The following PRMT8 variants were observed in gnomAD, a reference collection of about 807,000 sequenced individuals.
PRMT8 encodes the protein protein arginine N-methyltransferase 8.
PRMT8 carries 7 observed loss-of-function variants against 47.1 expected under a neutral mutation model. The ratio of observed to expected loss-of-function variants is 0.15; its 90% CI spans 0.08 to 0.28. The LOEUF is 0.28. Among genes scored for constraint, PRMT8 ranks in the 10% least tolerant of loss-of-function variants. The probability of loss-of-function intolerance (pLI) is 1.00; values close to 1 mark genes in which losing one functional copy is unlikely to be tolerated. For synonymous variants in PRMT8, 188 were observed against 186.5 expected (o/e 1.01, Z -0.07); for missense variants, 237 against 505.4 (o/e 0.47, Z 5.09).
intron 1 of PRMT8, among the ~76,000 whole-genome samples, chr12:3,426,210 A>G (rs1246142176): frequency 1.3e-5 from 2 of 152,248 alleles, no homozygotes; most frequent in African/African-American, 2.4e-5. Flanking sequence ...GCACAAGTAT[A>G]ACAATTGCTT....
intron 4 of PRMT8, among the ~76,000 whole-genome samples, chr12:3,558,479 G>A (rs908700724): frequency 6.6e-6 from 1 of 152,094 alleles, no homozygotes; most frequent in Non-Finnish European, 1.5e-5. Context: ...ATTACCTAAT[G>A]CCCAGATCCT....
intron 1 of PRMT8, among the ~76,000 whole-genome samples, chr12:3,429,199 G>T (rs1406103991): frequency 6.6e-6 from 1 of 152,168 alleles, no homozygotes; most frequent in Non-Finnish European, 1.5e-5. Context: ...ACAGGAACTG[G>T]TCTGGGTGCC....
Position 3,593,043 on chromosome 12 carries a change from C to T in PRMT8, c.1102-56C>T. On this transcript the variant is annotated intron_variant, in intron 9 of 9. Transcript: ENST00000382622. This position sits in a 1 kb window ranked among gnomAD's most constrained non-coding sequence, Gnocchi z 4.8. ...GAGCAGGTGGTGCCAGAGAGTGGGGCTGTGGCTTCATACCCAGACGGCCGC... is the reference window on the plus strand; with the variant it reads ...GAGCAGGTGGTGCCAGAGAGTGGGGTTGTGGCTTCATACCCAGACGGCCGC... 1 of 1,385,888 alleles carries T rather than the reference C, an allele frequency of 7.2e-7. No homozygotes were observed. Among genetic ancestry groups the T allele is most frequent in the Non-Finnish European group, 1.0e-6 (1 of 975,532 alleles). 85.8% of individuals were successfully genotyped at this position (1,385,888 alleles called of 1,614,324 possible).
intron 1 of PRMT8, among the ~76,000 whole-genome samples, chr12:3,518,258 C>G (rs540107531): frequency 6.6e-6 from 1 of 152,098 alleles, no homozygotes; most frequent in Non-Finnish European, 1.5e-5. Flanking sequence ...ATTAGAACAA[C>G]GTGAGAAGGA....
At chr12:3,517,521 G>T (rs1865813135) in intron 1 of PRMT8, among the ~76,000 whole-genome samples, 1 of 152,172 alleles carries the variant, frequency 6.6e-6, no homozygotes, top group Non-Finnish European at 1.5e-5. Context: ...ATGAGCTAAG[G>T]TAGGAAAATT....
At chr12:3,568,182 G>A (rs1024235389) in intron 4 of PRMT8, among the ~76,000 whole-genome samples, 2 of 152,116 alleles carry the variant, frequency 1.3e-5, no homozygotes, top group African/African-American at 2.4e-5. Flanking sequence ...TAAGGAAGAG[G>A]AAATATATTT....
chr12:3,517,405 T>TAGGA (rs1379539717), intron 1 of PRMT8, among the ~76,000 whole-genome samples: 1 of 152,168 alleles, frequency 6.6e-6, no homozygotes, highest in Non-Finnish European at 1.5e-5. Flanking sequence ...CCAGGTGTCC[T>TAGGA]GGCTCCCCAC....
chr12:3,504,453 ACC>A (rs1443617647), intron 1 of PRMT8, among the ~76,000 whole-genome samples: 7 of 115,794 alleles, frequency 6.0e-5, no homozygotes, highest in African/African-American at 1.6e-4. Flanking sequence ...CTGCTGGAAT[ACC>A]CTGCCGTGTG....
intron 1 of PRMT8, among the ~76,000 whole-genome samples, chr12:3,384,639 C>G (rs1304541148): frequency 6.6e-6 from 1 of 151,962 alleles, no homozygotes; most frequent in Non-Finnish European, 1.5e-5. Context: ...GGGATGTTCT[C>G]CTTTTTTTTA....
intron 1 of PRMT8, among the ~76,000 whole-genome samples, chr12:3,454,830 G>A (rs1316993968): frequency 6.6e-6 from 1 of 152,064 alleles, no homozygotes; most frequent in Non-Finnish European, 1.5e-5. Context: ...TCACCCTAAG[G>A]GTCCTACAGA....
chr12:3,469,097 G>T (rs1177987047), intron 1 of PRMT8: 6 of 486,908 alleles, frequency 1.2e-5, no homozygotes, highest in Admixed American at 1.1e-4. Context: ...GGCCGCAGCA[G>T]TCAGGGACAT....
chr12:3,395,386 T>C lies in PRMT8; in HGVS notation c.48+13944T>C, dbSNP rs201693434. Among the ~76,000 whole-genome samples the C allele has an allele frequency of 1.2e-4, 18 of 150,054 alleles. No homozygotes were observed. In the South Asian group the frequency reaches 3.0e-3, roughly 25 times the overall value. ...TTCCCTCTACACACTGCTTTGAATG[T>C]GTCCCAGAGATTCTGGTATGTTGTG... is the stretch of plus-strand genomic sequence containing the variant. On this transcript the variant is annotated intron_variant, in intron 1 of 9. Transcript: ENST00000452611.
rs1480834147 is a variant in PRMT8 at position 3,572,523 on chromosome 12, T to G, written c.712+2959T>G. ...CTGAAAGAAAGACCTCATGCAGAGGTGGCAGTGCTTATAGCTTGATGGTTG... is the reference window on the plus strand; with the variant it reads ...CTGAAAGAAAGACCTCATGCAGAGGGGGCAGTGCTTATAGCTTGATGGTTG... On this transcript the variant is annotated intron_variant, in intron 6 of 9. Transcript: ENST00000382622. This position sits in a 1 kb window ranked among gnomAD's most constrained non-coding sequence, Gnocchi z 5.9. 1.3e-5 allele frequency among the ~76,000 whole-genome samples: 2 copies of G among 152,120 alleles called. No homozygotes were observed. Among genetic ancestry groups the G allele is most frequent in the African/African-American group, 4.8e-5 (2 of 41,424 alleles).
In PRMT8 at chr12:3,533,098, TAGAGTC is replaced by T. The variant is rs372184974; in HGVS notation, c.76-7503_76-7498del. Among the ~76,000 whole-genome samples, 202 of 152,290 alleles carry T rather than the reference TAGAGTC, an allele frequency of 1.3e-3. 2 individuals are homozygous for T. The highest frequency in any genetic ancestry group is 4.8e-3 in the African/African-American group (198 of 41,560). On this transcript the variant is annotated intron_variant, in intron 1 of 9. Transcript: ENST00000382622. ...ATGGGCTCTGCCAAGATCCCAGAGT[TAGAGTC>T]AGAGATTCTATAAAACAGGGGGTTC...
intron 1 of PRMT8, among the ~76,000 whole-genome samples, chr12:3,393,314 C>T (rs561946894): frequency 6.1e-5 from 9 of 148,680 alleles, no homozygotes; most frequent in African/African-American, 1.5e-4. Flanking sequence ...ATGGTAATGC[C>T]TAGGTTTTCT....
At chr12:3,466,648 C>T (rs1320599261) in intron 1 of PRMT8, among the ~76,000 whole-genome samples, 1 of 152,098 alleles carries the variant, frequency 6.6e-6, no homozygotes, top group African/African-American at 2.4e-5. Context: ...CAGATTTTGA[C>T]AAATACGCTC....
At chr12:3,381,391 T>C (rs1176439957) in exon 1 of PRMT8, 4 of 1,536,064 alleles carry the variant, frequency 2.6e-6, no homozygotes, top group African/African-American at 1.4e-5. Context: ...GTGTGCCAGG[T>C]TGAATGGAGT....
At chr12:3,420,232 C>T (rs76667661) in intron 1 of PRMT8, among the ~76,000 whole-genome samples, 2,894 of 152,146 alleles carry the variant, frequency 0.019, 91 homozygotes, top group African/African-American at 0.065. Flanking sequence ...ACAGCTCATC[C>T]TGATTTGGTG....
intron 4 of PRMT8, among the ~76,000 whole-genome samples, chr12:3,561,215 G>A (rs1194858539): frequency 6.6e-6 from 1 of 152,166 alleles, no homozygotes; most frequent in Non-Finnish European, 1.5e-5. Context: ...GTCGTGCTAA[G>A]AATTAAACAC....
Sources: gnomAD v4.1 joint callset for allele counts (sites outside exome capture counted in the v4.1 genomes callset) on GRCh38, gnomAD v4.1.1 for gene constraint, Gnocchi (gnomAD v3.1) non-coding constraint, MANE v1.5 for transcripts, NCBI Gene and HGNC (gene_info 2026-07-23, HGNC 2026-07-21) for gene names.